The following OFD1 variants were observed in gnomAD, a reference collection of about 807,000 sequenced individuals.
OFD1 encodes the protein OFD1 centriole and centriolar satellite protein.
In OFD1, 12 loss-of-function variants were observed where a neutral mutation model predicts 81.4. That is an observed-to-expected ratio of 0.15 (90% CI 0.09 to 0.24). OFD1 has a LOEUF of 0.24. OFD1 is among the 10% of genes least tolerant of loss of function. OFD1 has a pLI of 1.00. For synonymous variants in OFD1, 256 were observed against 263.7 expected (o/e 0.97, Z 0.28); for missense variants, 685 against 733.9 (o/e 0.93, Z 0.77).
downstream of OFD1, chrX:13,772,924 T>C: frequency 8.3e-7 from 1 of 1,210,555 alleles, no homozygotes; most frequent in Non-Finnish European, 1.1e-6. Context: ...AGACTGGATA[T>C]CTTGCAGTTC....
intron 5 of OFD1, among the ~76,000 whole-genome samples, chrX:13,742,859 C>G (rs754896221): frequency 2.7e-5 from 3 of 111,070 alleles, no homozygotes; most frequent in Non-Finnish European, 5.7e-5. Context: ...GACCCAGTGT[C>G]GAAACCCATA....
intron 8 of OFD1, 25 bp from the exon 9 acceptor site, chrX:13,749,402 T>C (rs2047420583): frequency 2.0e-6 from 2 of 1,001,179 alleles, no homozygotes; most frequent in East Asian, 6.1e-5. Flanking sequence ...GCTTGCTTGC[T>C]AAAAATTAAT....
chrX:13,741,719 A>G (rs1325991722), intron 5 of OFD1, among the ~76,000 whole-genome samples: 2 of 111,937 alleles, frequency 1.8e-5, no homozygotes, highest in Non-Finnish European at 3.8e-5. Flanking sequence ...TTGAGTAGGC[A>G]GTGGAAAGTT....
the OFD1 span, among the ~76,000 whole-genome samples, chrX:13,714,664 T>C: frequency 8.9e-6 from 1 of 112,753 alleles, no homozygotes; most frequent in Non-Finnish European, 1.9e-5. Flanking sequence ...GTTAATAACA[T>C]CCTCTTAAGG....
At chrX:13,754,416 T>C (rs1028685513) in intron 11 of OFD1, among the ~76,000 whole-genome samples, 1 of 105,867 alleles carries the variant, frequency 9.4e-6, no homozygotes, top group African/African-American at 3.5e-5. Context: ...CTACTGTCTT[T>C]TTTTTTTTTT....
the OFD1 span, chrX:13,716,437 A>C: frequency 9.6e-7 from 1 of 1,039,992 alleles, no homozygotes; most frequent in East Asian, 3.1e-5. Context: ...CTGACTGTGA[A>C]GTCTACAGAC....
intron 1 of OFD1, 70 bp from the exon 2 acceptor site, chrX:13,735,178 C>T: frequency 8.4e-7 from 1 of 1,197,281 alleles, no homozygotes; most frequent in African/African-American, 1.7e-5. Flanking sequence ...CCCCGGAGGC[C>T]ACTGGTCTGT....
rs1485740329 is a variant in OFD1 at position 13,735,041 on chromosome X, C to T, written c.-31C>T. ...TAAACTCGGGCCGCGGCGGGGCGAG[C>T]GAGGCGGGCTCCGGAGGGAGCTGAC... On this transcript the variant is annotated 5_prime_UTR_variant, in exon 1 of 23. Transcript: ENST00000340096. 2 of 1,182,558 alleles carry T rather than the reference C, an allele frequency of 1.7e-6. No individual in the cohort carries two copies. Among genetic ancestry groups the T allele is most frequent in the Admixed American group, 2.2e-5 (1 of 44,811 alleles).
At chrX:13,748,426 C>A (rs2047375980) in intron 8 of OFD1, among the ~76,000 whole-genome samples, 1 of 112,480 alleles carries the variant, frequency 8.9e-6, no homozygotes, top group African/African-American at 3.2e-5. Context: ...CTGACTCCCA[C>A]TGAGCGACCC....
At chrX:13,739,816 C>G in intron 5 of OFD1, 1 of 749,305 alleles carries the variant, frequency 1.3e-6, no homozygotes, top group Non-Finnish European at 1.6e-6. Flanking sequence ...AATAGCCATT[C>G]ATAGAGTCCA....
At chrX:13,744,200 G>C (rs1446285199) in intron 5 of OFD1, among the ~76,000 whole-genome samples, 2 of 111,350 alleles carry the variant, frequency 1.8e-5, no homozygotes, top group Non-Finnish European at 3.8e-5. Context: ...GACTGATGTA[G>C]GAGGATTGCT....
chrX:13,731,913 T>C (rs2046685361), upstream of OFD1, among the ~76,000 whole-genome samples: 1 of 111,932 alleles, frequency 8.9e-6, no homozygotes, highest in South Asian at 3.6e-4. Context: ...AAGATCTCCA[T>C]GGCTAGGAGA....
At chrX:13,771,438 G>C (rs1335974433), downstream of OFD1, 1 of 108,094 alleles carries the variant, frequency 9.3e-6, no homozygotes, top group Non-Finnish European at 1.9e-5. Context: ...AACCAAAAAA[G>C]AGAATCCAAA....
intron 3 of OFD1, among the ~76,000 whole-genome samples, chrX:13,738,143 C>T (rs777200100): frequency 8.9e-6 from 1 of 112,516 alleles, no homozygotes; most frequent in East Asian, 2.8e-4. Context: ...GCCCTCGTGT[C>T]TGGCCTGGAA....
At chrX:13,748,125 G>T (rs890618334) in intron 8 of OFD1, among the ~76,000 whole-genome samples, 5 of 112,129 alleles carry the variant, frequency 4.5e-5, no homozygotes, top group Non-Finnish European at 9.4e-5. Flanking sequence ...ATTTTGTATA[G>T]CATTTCTGGG....
chrX:13,745,144 C>T (rs1363816717), intron 6 of OFD1, among the ~76,000 whole-genome samples: 4 of 112,145 alleles, frequency 3.6e-5, no homozygotes, highest in Non-Finnish European at 7.5e-5. Context: ...TAAATGGTAA[C>T]TTGCAAGAAG....
intron 3 of OFD1, among the ~76,000 whole-genome samples, chrX:13,737,061 C>G (rs1404298345): frequency 8.9e-6 from 1 of 111,953 alleles, no homozygotes; most frequent in Non-Finnish European, 1.9e-5. Flanking sequence ...GAACCAGACT[C>G]TGGAGAGGTG....
chrX:13,727,676 T>A, the OFD1 span, among the ~76,000 whole-genome samples: 1 of 111,505 alleles, frequency 9.0e-6, no homozygotes, highest in Admixed American at 9.5e-5. Flanking sequence ...ACCCTAACAT[T>A]GCAATTAAAA....
At chrX:13,718,275 A>G in the OFD1 span, among the ~76,000 whole-genome samples, 1 of 113,312 alleles carries the variant, frequency 8.8e-6, no homozygotes, top group Non-Finnish European at 1.9e-5. Context: ...AATCCCATGC[A>G]TAGTTAAAGC....
Sources: gnomAD v4.1 joint callset for allele counts (sites outside exome capture counted in the v4.1 genomes callset) on GRCh38, gnomAD v4.1.1 for gene constraint, MANE v1.5 for transcripts, NCBI Gene and HGNC (gene_info 2026-07-23, HGNC 2026-07-21) for gene names.